PTPRG: variants seen among roughly 807,000 people sequenced by gnomAD.
PTPRG encodes the protein protein tyrosine phosphatase receptor type G.
A neutral mutation model predicts 165.3 loss-of-function variants in PTPRG; 102 were observed. The observed-to-expected ratio is 0.62, with a 90% CI of 0.53 to 0.73. The LOEUF is 0.73. Ranked by LOEUF, PTPRG falls within the 30% of genes least tolerant of loss-of-function variation. The pLI is 0.00. For synonymous variants in PTPRG, 675 were observed against 669.5 expected, an observed-to-expected ratio of 1.01 and a Z score of -0.13; for missense variants, 1,866 against 1,861.4, an observed-to-expected ratio of 1.00 and a Z score of -0.05.
rs1702603591 is a variant in PTPRG at position 62,285,366 on chromosome 3, CTG to C, written c.4055+2499_4055+2500del. Among the ~76,000 whole-genome samples, 4 of 152,160 alleles carry C rather than the reference CTG, an allele frequency of 2.6e-5. No individual in the cohort carries two copies. The South Asian group carries it at 8.3e-4, about 32-fold the overall frequency. On this transcript the variant is annotated intron_variant, in intron 28 of 29. Coordinates refer to ENST00000474889, the MANE Select transcript of PTPRG (RefSeq NM_002841.4). ...CTTCTTTTCAAAGTGTTTTTAAGCT[CTG>C]TCAAAAGCAGGAGTCAACAGGCTTG...
intron 2 of PTPRG, 59 bp downstream of exon 2, chr3:61,749,041 C>A (rs1575631292): frequency 1.5e-6 from 2 of 1,312,620 alleles, no homozygotes; most frequent in East Asian, 2.3e-5. Context: ...ATTCAACTCA[C>A]TTGAAAGCAC....
At chr3:62,140,387 A>G (rs1703877848) in intron 6 of PTPRG, among the ~76,000 whole-genome samples, 1 of 152,250 alleles carries the variant, frequency 6.6e-6, no homozygotes, top group Non-Finnish European at 1.5e-5. Flanking sequence ...ACAGATATAG[A>G]AGTTATAGAC....
In PTPRG at chr3:62,203,657, C is replaced by G; in HGVS notation, c.1862C>G (p.Thr621Arg). The G allele has an allele frequency of 2.6e-6, 4 of 1,562,100 alleles. No homozygotes were observed. Among genetic ancestry groups the G allele is most frequent in the Non-Finnish European group, 2.6e-6 (3 of 1,152,678 alleles). The part of the protein sequence containing the change: ...VTHAAEERNQ[T>R]EPSPTPSSPN... ...CACGCTGCCGAGGAGCGGAATCAGACGGAGCCCAGCCCCACACCCTCGTCT... is the reference window on the plus strand; with the variant it reads ...CACGCTGCCGAGGAGCGGAATCAGAGGGAGCCCAGCCCCACACCCTCGTCT... Residue 621 changes from threonine to arginine, a missense_variant, in exon 12 of 30, where the codon ACG becomes AGG. By Grantham distance (71) the Thr-to-Arg change is moderately conservative (BLOSUM62 -1). Transcript: ENST00000474889. The surrounding 1 kb of genome is among the most constrained non-coding windows in gnomAD (Gnocchi z 6.4).
chr3:61,582,324 T>C (rs1700317089), intron 1 of PTPRG, among the ~76,000 whole-genome samples: 1 of 152,190 alleles, frequency 6.6e-6, no homozygotes, highest in South Asian at 2.1e-4. Flanking sequence ...GTATATCATA[T>C]ATTCATACAT....
intron 5 of PTPRG, among the ~76,000 whole-genome samples, chr3:62,126,789 T>C (rs1703307357): frequency 6.6e-6 from 1 of 152,246 alleles, no homozygotes; most frequent in Non-Finnish European, 1.5e-5. Context: ...ACAGAGCTCC[T>C]TTTTCCTTTG....
At chr3:62,187,870 A>C (rs892199059) in intron 8 of PTPRG, among the ~76,000 whole-genome samples, 5 of 152,158 alleles carry the variant, frequency 3.3e-5, no homozygotes, top group African/African-American at 1.2e-4. Context: ...ACAAGCATGG[A>C]TCTTTGGAGG....
intron 4 of PTPRG, among the ~76,000 whole-genome samples, chr3:62,037,472 T>C (rs1013759933): frequency 6.6e-6 from 1 of 152,150 alleles, no homozygotes; most frequent in African/African-American, 2.4e-5. Context: ...CCCCTATAAG[T>C]TGTGACAATT....
At chr3:61,732,601 C>G (rs545811404) in intron 1 of PTPRG, among the ~76,000 whole-genome samples, 7 of 150,756 alleles carry the variant, frequency 4.6e-5, no homozygotes, top group Admixed American at 2.0e-4. Flanking sequence ...CCCAGCTACT[C>G]GGGAGGCTGA....
At chr3:62,172,752 A>G (rs1705266621) in intron 8 of PTPRG, among the ~76,000 whole-genome samples, 1 of 152,208 alleles carries the variant, frequency 6.6e-6, no homozygotes, top group South Asian at 2.1e-4. Context: ...TTTTAAAAAG[A>G]GAATGAGTGG....
chr3:61,853,992 T>C (rs1488613989), intron 2 of PTPRG, among the ~76,000 whole-genome samples: 1 of 152,216 alleles, frequency 6.6e-6, no homozygotes, highest in Non-Finnish European at 1.5e-5. Flanking sequence ...AAGTCCTTCC[T>C]GTGCTGAGGC....
At chr3:62,231,516 G>A (rs1053614778) in intron 14 of PTPRG, among the ~76,000 whole-genome samples, 3 of 152,118 alleles carry the variant, frequency 2.0e-5, no homozygotes, top group African/African-American at 7.2e-5. Context: ...TATGTCCTGT[G>A]TGTGCTTGCT....
At chr3:62,079,481 T>G (rs989197771) in intron 5 of PTPRG, among the ~76,000 whole-genome samples, 1 of 152,146 alleles carries the variant, frequency 6.6e-6, no homozygotes, top group African/African-American at 2.4e-5. Context: ...TCAGAAAATA[T>G]CCGTAAAATA....
intron 1 of PTPRG, among the ~76,000 whole-genome samples, chr3:61,740,976 C>T (rs751780232): frequency 1.3e-5 from 2 of 152,104 alleles, no homozygotes; most frequent in Non-Finnish European, 2.9e-5. Context: ...TTGGGACACT[C>T]ACCGAGCACA....
At chr3:62,059,772 G>C (rs114455985) in intron 4 of PTPRG, among the ~76,000 whole-genome samples, 3 of 152,038 alleles carry the variant, frequency 2.0e-5, no homozygotes, top group Non-Finnish European at 2.9e-5. Context: ...GGAATTATGG[G>C]GGCCGTTACT....
chr3:61,702,488 A>T (rs1471714634), intron 1 of PTPRG, among the ~76,000 whole-genome samples: 5 of 152,348 alleles, frequency 3.3e-5, no homozygotes, highest in East Asian at 1.9e-4. Flanking sequence ...TTAAACAATT[A>T]AAAAAATTTA....
intron 4 of PTPRG, among the ~76,000 whole-genome samples, chr3:62,012,191 A>G (rs994161345): frequency 6.6e-6 from 1 of 152,220 alleles, no homozygotes; most frequent in Non-Finnish European, 1.5e-5. Flanking sequence ...GACTCTTCTT[A>G]TACCCATCTT....
chr3:62,200,621 TAAAA>T (rs932640717), intron 10 of PTPRG, among the ~76,000 whole-genome samples: 1 of 152,026 alleles, frequency 6.6e-6, no homozygotes, highest in Non-Finnish European at 1.5e-5. Flanking sequence ...ACCGTAATCT[TAAAA>T]AAAATTTTTT....
At chr3:61,620,034 T>C (rs979861736) in intron 1 of PTPRG, among the ~76,000 whole-genome samples, 4 of 152,072 alleles carry the variant, frequency 2.6e-5, no homozygotes, top group African/African-American at 7.2e-5. Context: ...TGCTTCATTT[T>C]GTTGCATTTT....
intron 1 of PTPRG, among the ~76,000 whole-genome samples, chr3:61,747,463 TGAGCA>T (rs2033256255): frequency 6.6e-6 from 1 of 152,208 alleles, no homozygotes; most frequent in Non-Finnish European, 1.5e-5. Context: ...TGAGGACCAA[TGAGCA>T]GACATAAATG....
Sources: gnomAD v4.1 joint callset for allele counts (sites outside exome capture counted in the v4.1 genomes callset) on GRCh38, gnomAD v4.1.1 for gene constraint, Gnocchi (gnomAD v3.1) non-coding constraint, MANE v1.5 for transcripts, NCBI Gene and HGNC (gene_info 2026-07-23, HGNC 2026-07-21) for gene names.